The following CPNE5 variants were observed in gnomAD, a reference collection of about 807,000 sequenced individuals.
CPNE5 encodes the protein copine-5.
A neutral mutation model predicts 81.1 loss-of-function variants in CPNE5; 42 were observed. The observed-to-expected ratio is 0.52, with a 90% CI of 0.40 to 0.67. The LOEUF is 0.67. Among genes scored for constraint, CPNE5 ranks in the 30% least tolerant of loss-of-function variants. The pLI is 0.00. For synonymous variants in CPNE5, 313 were observed against 321.5 expected (o/e 0.97, Z 0.28); for missense variants, 612 against 815.5 (o/e 0.75, Z 3.04).
intron 1 of CPNE5, among the ~76,000 whole-genome samples, chr6:36,833,188 C>T (rs77837356): frequency 6.6e-6 from 1 of 152,236 alleles, no homozygotes; most frequent in African/African-American, 2.4e-5. Flanking sequence ...TTGGATCCCT[C>T]TCTCCAAAGT....
chr6:36,799,903 G>T, intron 4 of CPNE5, 64 bp downstream of exon 4: 1 of 1,190,768 alleles, frequency 8.4e-7, no homozygotes, highest in South Asian at 1.3e-5. Flanking sequence ...ACAGGTCTGT[G>T]GTCCTACCTG....
chr6:36,820,862 G>A (rs796223874), intron 3 of CPNE5, among the ~76,000 whole-genome samples: 13 of 152,078 alleles, frequency 8.5e-5, no homozygotes, highest in African/African-American at 2.9e-4. Context: ...CCGGAGGATC[G>A]TTTGAGCCCA....
At chr6:36,742,688 ATTC>A in intron 20 of CPNE5, 1 of 984,764 alleles carries the variant, frequency 1.0e-6, no homozygotes, top group Middle Eastern at 5.2e-4. Flanking sequence ...CATAGTCACT[ATTC>A]TTTCATTCAC....
intron 2 of CPNE5, among the ~76,000 whole-genome samples, 169 bp downstream of exon 2, chr6:36,822,889 C>T (rs543981574): frequency 1.2e-4 from 19 of 152,332 alleles, no homozygotes; most frequent in African/African-American, 3.6e-4. Flanking sequence ...GTCAAATCTC[C>T]GCAATTATCT....
chr6:36,756,438 G>A lies in CPNE5; in HGVS notation c.856-140C>T, dbSNP rs6900180. The A allele has an allele frequency of 1.4e-3, 961 of 674,998 alleles. 7 individuals are homozygous for A. In the African/African-American group the frequency reaches 0.015, roughly 10 times the overall value. The allele number at this position is 674,998 out of a possible 1,614,324, so 41.8% of individuals were successfully genotyped here. ...GTGTGAAGACCACGGGGCCAGGGGA[G>A]AAGGGTTTAAGGAGGATTTGTGGGA... On this transcript the variant is annotated intron_variant, in intron 12 of 20. Coordinates refer to ENST00000244751, the MANE Select transcript of CPNE5 (RefSeq NM_020939.2).
intron 1 of CPNE5, chr6:36,827,642 C>T (rs1772619009): frequency 3.0e-6 from 3 of 985,306 alleles, no homozygotes; most frequent in Middle Eastern, 5.2e-4. Flanking sequence ...AGGTAAAGCG[C>T]CTTCCCCACT....
At chr6:36,743,346 C>T (rs1025404362) in intron 20 of CPNE5, 1 of 580,646 alleles carries the variant, frequency 1.7e-6, no homozygotes, top group Non-Finnish European at 2.2e-6. Context: ...TGCAGCAACA[C>T]TAAAGACACT....
chr6:36,744,433 G>C, intron 18 of CPNE5, 108 bp from the exon 19 acceptor site: 1 of 824,168 alleles, frequency 1.2e-6, no homozygotes, highest in South Asian at 1.5e-5. Context: ...GAAAGAAATG[G>C]GAGAGTGAAC....
intron 3 of CPNE5, among the ~76,000 whole-genome samples, chr6:36,813,152 C>T (rs1004945360): frequency 2.0e-5 from 3 of 152,322 alleles, no homozygotes; most frequent in South Asian, 4.1e-4. Context: ...CTGCTTCTGC[C>T]CTTTCCCCTG....
intron 10 of CPNE5, among the ~76,000 whole-genome samples, chr6:36,774,083 T>TA (rs71540168): frequency 0.078 from 10,932 of 139,676 alleles, 457 homozygotes; most frequent in Middle Eastern, 0.19. Flanking sequence ...CCATCTCAAT[T>TA]AAAAAAAAAA....
intron 12 of CPNE5, among the ~76,000 whole-genome samples, chr6:36,761,829 G>A (rs994652349): frequency 7.2e-5 from 11 of 152,198 alleles, no homozygotes; most frequent in Admixed American, 3.3e-4. Flanking sequence ...GCCATTAAGT[G>A]GGTTTGGCAT....
At chr6:36,782,927 G>A (rs546690290) in intron 8 of CPNE5, among the ~76,000 whole-genome samples, 5 of 150,946 alleles carry the variant, frequency 3.3e-5, no homozygotes, top group South Asian at 4.2e-4. Context: ...GCCACCTCCC[G>A]GCTGAGCAGC....
chr6:36,784,663 C>A (rs1303010408), intron 8 of CPNE5, among the ~76,000 whole-genome samples: 1 of 152,140 alleles, frequency 6.6e-6, no homozygotes, highest in East Asian at 1.9e-4. Flanking sequence ...TCCCCTTGGC[C>A]GGGCATGATG....
intron 14 of CPNE5, among the ~76,000 whole-genome samples, chr6:36,750,827 G>A (rs1764732773): frequency 6.6e-6 from 1 of 152,220 alleles, no homozygotes; most frequent in African/African-American, 2.4e-5. Flanking sequence ...AATACAGGGT[G>A]AGGGGAAAGG....
At chr6:36,825,740 A>C (rs764603) in intron 1 of CPNE5, among the ~76,000 whole-genome samples, 3,763 of 152,248 alleles carry the variant, frequency 0.025, 72 homozygotes, top group African/African-American at 0.053. Context: ...GAAGTGTGCT[A>C]AGTTTGGGGG....
Position 36,831,638 on chromosome 6 carries a change from C to CAAAAAAAA in CPNE5, c.95+7637_95+7644dup, listed in dbSNP as rs35409136. On this transcript the variant is annotated intron_variant, in intron 1 of 20. Coordinates refer to ENST00000244751, the MANE Select transcript of CPNE5 (RefSeq NM_020939.2). ...TGGGTGACAGAGTGAGACACCATCTCAAAAAAAAAAAAAAAAAAAGGCCTC... is the reference window on the plus strand; with the variant it reads ...TGGGTGACAGAGTGAGACACCATCTCAAAAAAAAAAAAAAAAAAAAAAAAAAAGGCCTC... 2.4e-5 allele frequency among the ~76,000 whole-genome samples: 2 copies of CAAAAAAAA among 83,938 alleles called. 1 individual carries two copies. Among genetic ancestry groups the CAAAAAAAA allele is most frequent in the African/African-American group, 9.4e-5 (2 of 21,188 alleles). The allele number at this position is 83,938 out of a possible 152,430, so 55.1% of individuals were successfully genotyped here.
intron 11 of CPNE5, among the ~76,000 whole-genome samples, chr6:36,763,562 C>T (rs1766260788): frequency 6.9e-6 from 1 of 144,210 alleles, no homozygotes; most frequent in South Asian, 2.1e-4. Context: ...GAGATTGTGT[C>T]ACTGCACTCC....
In CPNE5 at chr6:36,809,070, T is replaced by C. The variant is rs543194653; in HGVS notation, c.184-9000A>G. On this transcript the variant is annotated intron_variant, in intron 3 of 20. Transcript: ENST00000244751. ...TAGCGCAGTCTCTGAACTTCTGGGA[T>C]TACTGTGCCTGCTCCCTTGTTAACA... is the stretch of plus-strand genomic sequence containing the variant. Among the ~76,000 whole-genome samples the C allele has an allele frequency of 2.0e-5, 3 of 152,274 alleles. No individual in the cohort carries two copies. In the East Asian group the frequency reaches 5.8e-4, roughly 29 times the overall value.
chr6:36,817,549 C>A (rs1324978275), intron 3 of CPNE5, among the ~76,000 whole-genome samples: 1 of 152,188 alleles, frequency 6.6e-6, no homozygotes, highest in African/African-American at 2.4e-5. Context: ...CCTGTATTGA[C>A]TCTTCCTGTA....
Sources: gnomAD v4.1 joint callset for allele counts (sites outside exome capture counted in the v4.1 genomes callset) on GRCh38, gnomAD v4.1.1 for gene constraint, MANE v1.5 for transcripts, NCBI Gene and HGNC (gene_info 2026-07-23, HGNC 2026-07-21) for gene names.